MDGA2: variants seen among roughly 807,000 people sequenced by gnomAD.
MDGA2 encodes MAM domain-containing glycosylphosphatidylinositol anchor protein 2.
In MDGA2, 40 loss-of-function variants were observed where a neutral mutation model predicts 117.8. The observed-to-expected ratio is 0.34, with a 90% confidence interval of 0.26 to 0.44. The LOEUF (loss-of-function observed/expected upper bound fraction) is 0.44. Ranked by LOEUF, MDGA2 falls within the 20% of genes least tolerant of loss-of-function variation. MDGA2 has a pLI of 1.00. For missense variants in MDGA2, 1,123 were observed against 1,250.6 expected, an observed-to-expected ratio of 0.90 and a Z score of 1.54; for synonymous variants, 452 against 439.0, an observed-to-expected ratio of 1.03 and a Z score of -0.37.
Position 47,519,327 on chromosome 14 carries a change from ATTG to A in MDGA2, c.280+155187_280+155189del, listed in dbSNP as rs372605394. Reference sequence around the variant, plus strand: ...ACCTACATTCTAATTTAAGCAGCTGATTGTTATTTGTTTCTCCACAGTTCTCTT... The same window carrying A: ...ACCTACATTCTAATTTAAGCAGCTGATTATTTGTTTCTCCACAGTTCTCTT... On this transcript the variant is annotated intron_variant, in intron 1 of 16. Coordinates refer to ENST00000399232, the MANE Select transcript of MDGA2 (RefSeq NM_001113498.3). 4.0e-3 allele frequency among the ~76,000 whole-genome samples: 602 copies of A among 152,028 alleles called. 7 individuals are homozygous for A. The highest frequency in any genetic ancestry group is 0.014 in the African/African-American group (574 of 41,470).
intron 3 of MDGA2, among the ~76,000 whole-genome samples, chr14:47,208,457 T>C (rs1885764433): frequency 6.6e-6 from 1 of 151,820 alleles, no homozygotes; most frequent in Non-Finnish European, 1.5e-5. Flanking sequence ...ACATTAAACA[T>C]CCTCCCTTTT....
intron 1 of MDGA2, among the ~76,000 whole-genome samples, chr14:47,563,139 G>A (rs764005176): frequency 7.9e-5 from 12 of 151,986 alleles, no homozygotes; most frequent in Admixed American, 4.6e-4. Flanking sequence ...AATTTCTGAG[G>A]ATTGCTTGAT....
chr14:47,178,566 T>C (rs901153973), intron 3 of MDGA2, among the ~76,000 whole-genome samples: 7 of 152,134 alleles, frequency 4.6e-5, no homozygotes, highest in African/African-American at 1.7e-4. Flanking sequence ...ATGTTTCATG[T>C]TTACCATTTA....
At chr14:47,453,865 T>G (rs1893290684) in intron 1 of MDGA2, among the ~76,000 whole-genome samples, 1 of 152,190 alleles carries the variant, frequency 6.6e-6, no homozygotes, top group Non-Finnish European at 1.5e-5. Flanking sequence ...GGGTGAGCAC[T>G]GACACCTATC....
chr14:47,002,121 GACTAAC>G (rs1263636115), intron 8 of MDGA2, among the ~76,000 whole-genome samples: 1 of 151,870 alleles, frequency 6.6e-6, no homozygotes, highest in African/African-American at 2.4e-5. Context: ...GCAAATATTA[GACTAAC>G]ACTAAATTTA....
At chr14:47,000,091 TA>T (rs1230417904) in intron 8 of MDGA2, among the ~76,000 whole-genome samples, 2 of 151,520 alleles carry the variant, frequency 1.3e-5, no homozygotes, top group Admixed American at 6.6e-5. Flanking sequence ...ATTATATGTA[TA>T]AAAATAAAAA....
intron 1 of MDGA2, among the ~76,000 whole-genome samples, chr14:47,550,597 T>C (rs1895562639): frequency 6.6e-6 from 1 of 152,128 alleles, no homozygotes; most frequent in Admixed American, 6.5e-5. Context: ...AATTCTTAGA[T>C]GTTATGTAAG....
intron 6 of MDGA2, among the ~76,000 whole-genome samples, chr14:47,080,422 CTT>C (rs1890665558): frequency 6.6e-6 from 1 of 151,998 alleles, no homozygotes; most frequent in African/African-American, 2.4e-5. Flanking sequence ...GAAAACAAAT[CTT>C]GAGATATATA....
chr14:47,144,929 G>A (rs1053935230), intron 3 of MDGA2, among the ~76,000 whole-genome samples: 4 of 150,504 alleles, frequency 2.7e-5, no homozygotes, highest in Admixed American at 1.3e-4. Context: ...GATTACAGGC[G>A]TGAACTACTA....
chr14:47,018,145 CT>C (rs11342451), intron 8 of MDGA2, among the ~76,000 whole-genome samples: 68,120 of 151,038 alleles, frequency 0.45, 15,892 homozygotes, highest in East Asian at 0.75. Flanking sequence ...GGGTAATTGA[CT>C]TTTTTTTTCC....
At chr14:47,035,574 A>G (rs543793849) in intron 7 of MDGA2, among the ~76,000 whole-genome samples, 1 of 152,332 alleles carries the variant, frequency 6.6e-6, no homozygotes, top group African/African-American at 2.4e-5. Flanking sequence ...AATCTTCTCA[A>G]TGACCTGTAA....
At chr14:46,896,908 T>C (rs1476208965) in intron 10 of MDGA2, among the ~76,000 whole-genome samples, 1 of 152,186 alleles carries the variant, frequency 6.6e-6, no homozygotes, top group Non-Finnish European at 1.5e-5. Flanking sequence ...TCATATGACC[T>C]AGTCCTGGCC....
chr14:47,118,474 AAGCTACTGAAAATAC>A (rs1302178437), intron 5 of MDGA2, among the ~76,000 whole-genome samples: 1 of 152,222 alleles, frequency 6.6e-6, no homozygotes, highest in Non-Finnish European at 1.5e-5. Flanking sequence ...TTATTTCTCG[AAGCTACTGAAAATAC>A]AGCTTTCAAA....
chr14:47,445,418 G>GT (rs1452910326), intron 1 of MDGA2, among the ~76,000 whole-genome samples: 1 of 152,110 alleles, frequency 6.6e-6, no homozygotes, highest in Admixed American at 6.6e-5. Context: ...GCTTCTGAAA[G>GT]TAAATGTTTT....
chr14:47,523,406 A>T (rs920287157), intron 1 of MDGA2, among the ~76,000 whole-genome samples: 2 of 152,324 alleles, frequency 1.3e-5, no homozygotes, highest in South Asian at 2.1e-4. Flanking sequence ...TTAATTTTTT[A>T]TAATTTTAAA....
intron 1 of MDGA2, among the ~76,000 whole-genome samples, chr14:47,669,131 T>A (rs1047740815): frequency 2.0e-5 from 3 of 152,176 alleles, no homozygotes; most frequent in Admixed American, 1.3e-4. Context: ...TTTAAAGAAG[T>A]ACAGAGCACA....
intron 9 of MDGA2, among the ~76,000 whole-genome samples, chr14:46,929,633 A>T (rs867516469): frequency 0.11 from 2,849 of 26,328 alleles, 631 homozygotes; most frequent in Non-Finnish European, 0.17. Context: ...ATATATATAT[A>T]TATATATATA....
intron 3 of MDGA2, chr14:47,200,947 T>C (rs1885482061): frequency 1.2e-6 from 1 of 828,084 alleles, no homozygotes; most frequent in African/African-American, 1.7e-5. Flanking sequence ...CGGTCCGAAC[T>C]TCAACTTGTT....
chr14:46,854,490 ACT>A (rs1260393441), intron 15 of MDGA2, among the ~76,000 whole-genome samples: 1 of 151,596 alleles, frequency 6.6e-6, no homozygotes, highest in Non-Finnish European at 1.5e-5. Flanking sequence ...TTTACTGGTA[ACT>A]CTCTTAGCTA....
Sources: gnomAD v4.1 joint callset for allele counts (sites outside exome capture counted in the v4.1 genomes callset) on GRCh38, gnomAD v4.1.1 for gene constraint, MANE v1.5 for transcripts, NCBI Gene and HGNC (gene_info 2026-07-23, HGNC 2026-07-21) for gene names.